The following SNTG2 variants were observed in gnomAD, a reference collection of about 807,000 sequenced individuals.
The protein encoded by SNTG2 is gamma-2-syntrophin.
A neutral mutation model predicts 70.9 loss-of-function variants in SNTG2; 74 were observed. That is an observed-to-expected ratio of 1.04 (90% CI 0.86 to 1.27). The LOEUF (loss-of-function observed/expected upper bound fraction) is 1.27, where lower values mean the gene tolerates loss of function less well. Ranked by LOEUF, SNTG2 falls within the 50% of genes most tolerant of loss-of-function variation. SNTG2 has a pLI of 0.00. For missense variants in SNTG2, 717 were observed against 690.7 expected (o/e 1.04, Z -0.43); for synonymous variants, 278 against 273.8 (o/e 1.02, Z -0.15).
chr2:1,133,549 C>T (rs1391595097), intron 4 of SNTG2, among the ~76,000 whole-genome samples: 1 of 152,094 alleles, frequency 6.6e-6, no homozygotes. Context: ...GCTGTATTAC[C>T]GTAGGGATGA....
intron 16 of SNTG2, among the ~76,000 whole-genome samples, chr2:1,342,367 C>T (rs1482846621): frequency 2.8e-5 from 2 of 71,516 alleles, no homozygotes; most frequent in Non-Finnish European, 2.6e-5. Context: ...ACTTTTCCCC[C>T]TGTTCTGGGC....
chr2:1,144,318 CAGAA>C (rs1168296037), intron 6 of SNTG2, among the ~76,000 whole-genome samples: 2 of 152,138 alleles, frequency 1.3e-5, no homozygotes, highest in African/African-American at 4.8e-5. Flanking sequence ...AGACAGAAAT[CAGAA>C]AGGACATAAC....
chr2:1,308,543 T>C lies in SNTG2; in HGVS notation c.1334T>C (p.Val445Ala). Reference protein sequence around the residue: ...SWQGEMLCFTVDFALGFTCFE... With the variant: ...SWQGEMLCFTADFALGFTCFE... ...CAAGGAGAGATGCTGTGTTTCACGG[T>C]GGATTTCGCGTTGGGATTTACCTGT... Residue 445 changes from valine (V) to alanine (A), a missense_variant, in exon 15 of 17, where the codon GTG (valine) becomes GCG (alanine). Coordinates refer to ENST00000308624, the MANE Select transcript of SNTG2 (RefSeq NM_018968.4). The C allele has an allele frequency of 6.4e-7, 1 of 1,551,718 alleles. No homozygotes were observed. The highest frequency in any genetic ancestry group is 8.7e-7 in the Non-Finnish European group (1 of 1,146,990).
At chr2:1,071,366 T>C (rs79042933) in intron 1 of SNTG2, among the ~76,000 whole-genome samples, 19 of 149,612 alleles carry the variant, frequency 1.3e-4, no homozygotes, top group African/African-American at 3.0e-4. Context: ...ATGGATGAAA[T>C]TGGAAACCAT....
At chr2:1,221,465 GTC>G (rs1191385872) in intron 9 of SNTG2, among the ~76,000 whole-genome samples, 1 of 20,784 alleles carries the variant, frequency 4.8e-5, no homozygotes, top group Non-Finnish European at 8.1e-5. Flanking sequence ...CTCTGTCTCT[GTC>G]TCTCTGTCTC....
At chr2:1,318,255 G>C (rs888026886) in intron 16 of SNTG2, among the ~76,000 whole-genome samples, 1 of 152,174 alleles carries the variant, frequency 6.6e-6, no homozygotes, top group African/African-American at 2.4e-5. Flanking sequence ...AACACATACG[G>C]TGTGGAAACA....
At chr2:1,099,856 C>A (rs533456224) in intron 4 of SNTG2, among the ~76,000 whole-genome samples, 1 of 152,172 alleles carries the variant, frequency 6.6e-6, no homozygotes, top group Non-Finnish European at 1.5e-5. Flanking sequence ...GGTAAAGATT[C>A]TTTTTCGGCA....
intron 4 of SNTG2, among the ~76,000 whole-genome samples, chr2:1,133,077 G>A (rs1041797223): frequency 5.3e-5 from 8 of 152,148 alleles, no homozygotes; most frequent in Non-Finnish European, 1.0e-4. Flanking sequence ...TTTCACCTGT[G>A]GGGTGATGAT....
intron 1 of SNTG2, among the ~76,000 whole-genome samples, chr2:1,003,637 T>C (rs1659477080): frequency 6.6e-6 from 1 of 152,194 alleles, no homozygotes; most frequent in African/African-American, 2.4e-5. Context: ...CAGGTGAGAA[T>C]GGTTAGGCAG....
intron 7 of SNTG2, among the ~76,000 whole-genome samples, chr2:1,171,266 G>T (rs528622681): frequency 6.6e-6 from 1 of 152,164 alleles, no homozygotes; most frequent in South Asian, 2.1e-4. Context: ...GAAATTTAGA[G>T]TGGAAGCGTG....
At position 1,060,433 on chromosome 2, in the gene SNTG2, T is replaced by G. The variant is rs561678034; in HGVS notation, c.73-23085T>G. 9.2e-5 allele frequency among the ~76,000 whole-genome samples: 14 copies of G among 152,316 alleles called. No individual in the cohort carries two copies. The East Asian group carries it at 2.7e-3, about 29-fold the overall frequency. On this transcript the variant is annotated intron_variant, in intron 1 of 16. Coordinates refer to ENST00000308624, the MANE Select transcript of SNTG2 (RefSeq NM_018968.4). ...ATAGAAGTGTCCTACCGTGGAGCAC[T>G]GAGCAGTCCTGGAACCAAAGACACC...
intron 1 of SNTG2, among the ~76,000 whole-genome samples, chr2:991,695 T>C (rs887459125): frequency 3.9e-5 from 6 of 152,190 alleles, no homozygotes; most frequent in Non-Finnish European, 7.4e-5. Context: ...GGCTGATTGC[T>C]GGACAAGCAT....
At chr2:1,066,393 C>T (rs1014444372) in intron 1 of SNTG2, among the ~76,000 whole-genome samples, 1 of 151,372 alleles carries the variant, frequency 6.6e-6, no homozygotes, top group African/African-American at 2.4e-5. Context: ...GAATTGGGCC[C>T]TTCCTGTTGA....
At chr2:1,143,391 C>G (rs1158921771) in intron 6 of SNTG2, among the ~76,000 whole-genome samples, 1 of 152,106 alleles carries the variant, frequency 6.6e-6, no homozygotes, top group Non-Finnish European at 1.5e-5. Context: ...TCTCCATGTT[C>G]TCCACTGCAG....
chr2:1,248,568 A>C (rs180739515), intron 12 of SNTG2, among the ~76,000 whole-genome samples: 31 of 152,374 alleles, frequency 2.0e-4, no homozygotes, highest in Non-Finnish European at 3.8e-4. Flanking sequence ...AACAAACATA[A>C]CCATGTTCTT....
intron 2 of SNTG2, among the ~76,000 whole-genome samples, chr2:1,085,491 G>C (rs1216305542): frequency 6.6e-6 from 1 of 152,174 alleles, no homozygotes; most frequent in African/African-American, 2.4e-5. Context: ...ATTCCCACCT[G>C]CACATTGGAG....
intron 14 of SNTG2, among the ~76,000 whole-genome samples, chr2:1,282,435 T>G (rs1193033394): frequency 6.6e-6 from 1 of 152,202 alleles, no homozygotes; most frequent in Non-Finnish European, 1.5e-5. Flanking sequence ...ACATCGTTGA[T>G]CAAAGAAACG....
chr2:1,222,047 GTCTCTCTCT>G (rs1675121304), intron 9 of SNTG2, among the ~76,000 whole-genome samples: 1 of 6,002 alleles, frequency 1.7e-4, no homozygotes, highest in Admixed American at 1.8e-3. Context: ...GTCTCTCTCT[GTCTCTCTCT>G]GTCTCTGTTT....
At chr2:1,314,789 C>T (rs1282404950) in intron 15 of SNTG2, among the ~76,000 whole-genome samples, 2 of 152,178 alleles carry the variant, frequency 1.3e-5, no homozygotes, top group African/African-American at 2.4e-5. Flanking sequence ...ACAATCATGG[C>T]AGAAGGCAAA....
Sources: gnomAD v4.1 joint callset for allele counts (sites outside exome capture counted in the v4.1 genomes callset) on GRCh38, gnomAD v4.1.1 for gene constraint, MANE v1.5 for transcripts, NCBI Gene and HGNC (gene_info 2026-07-23, HGNC 2026-07-21) for gene names.